SHLD1: variants seen among roughly 807,000 people sequenced by gnomAD.
The protein encoded by SHLD1 is RINN1-REV7-interacting novel NHEJ regulator 3.
In SHLD1, 3 loss-of-function variants were observed where a neutral mutation model predicts 5.5. The observed-to-expected ratio is 0.54, with a 90% CI of 0.25 to 1.40. The LOEUF (loss-of-function observed/expected upper bound fraction) is 1.40. SHLD1 is among the 40% of genes most tolerant of loss of function. The pLI is 0.15. For synonymous variants in SHLD1, 92 were observed against 94.3 expected (o/e 0.98, Z 0.14); for missense variants, 210 against 244.4 (o/e 0.86, Z 0.94).
chr20:5,777,730 G>A (rs1281178604), intron 2 of SHLD1, among the ~76,000 whole-genome samples: 1 of 151,680 alleles, frequency 6.6e-6, no homozygotes, highest in Non-Finnish European at 1.5e-5. Flanking sequence ...ACCACACCCA[G>A]CTAAAATCAC....
intron 2 of SHLD1, among the ~76,000 whole-genome samples, chr20:5,824,567 T>C (rs1284929140): frequency 6.6e-6 from 1 of 151,972 alleles, no homozygotes; most frequent in Non-Finnish European, 1.5e-5. Flanking sequence ...AAATGATGAA[T>C]AATTAATTAT....
At chr20:5,783,933 C>G (rs1219256955) in intron 2 of SHLD1, among the ~76,000 whole-genome samples, 1 of 152,138 alleles carries the variant, frequency 6.6e-6, no homozygotes, top group Non-Finnish European at 1.5e-5. Context: ...TGGTGGATCA[C>G]TTGAAGCCAG....
At chr20:5,785,280 C>T (rs1432120769) in intron 2 of SHLD1, among the ~76,000 whole-genome samples, 2 of 152,200 alleles carry the variant, frequency 1.3e-5, no homozygotes, top group Admixed American at 1.3e-4. Context: ...ATGCATTTCA[C>T]ACACGTTGTT....
At chr20:5,839,317 A>G (rs2087826980) in intron 2 of SHLD1, among the ~76,000 whole-genome samples, 1 of 152,212 alleles carries the variant, frequency 6.6e-6, no homozygotes. Flanking sequence ...AATATTCAAC[A>G]TTTCTATCCT....
intron 2 of SHLD1, among the ~76,000 whole-genome samples, chr20:5,784,686 G>A (rs1353654811): frequency 6.6e-6 from 1 of 152,078 alleles, no homozygotes; most frequent in Non-Finnish European, 1.5e-5. Context: ...GCCTGACCTT[G>A]TGATCCGCCC....
rs756234026 is a variant in SHLD1, at chr20:5,765,769, C to CTTTT, written c.-4-7069_-4-7066dup. ...ATAATGTATTTTATACGCACAAATCCTTTTTTTTTTTTTTTTTTTTTTTTT... is the reference window on the plus strand; with the variant it reads ...ATAATGTATTTTATACGCACAAATCCTTTTTTTTTTTTTTTTTTTTTTTTTTTTT... On this transcript the variant is annotated intron_variant, in intron 1 of 2. Coordinates refer to ENST00000303142, the MANE Select transcript of SHLD1 (RefSeq NM_152504.4). 3.7e-4 allele frequency among the ~76,000 whole-genome samples: 23 copies of CTTTT among 62,090 alleles called. 4 individuals carry two copies. The highest frequency in any genetic ancestry group is 7.2e-4 in the African/African-American group (11 of 15,352). The allele number at this position is 62,090 out of a possible 152,430, so 40.7% of individuals were successfully genotyped here.
At chr20:5,792,278 G>A (rs759894137) in intron 2 of SHLD1, among the ~76,000 whole-genome samples, 8 of 152,130 alleles carry the variant, frequency 5.3e-5, no homozygotes, top group Non-Finnish European at 1.2e-4. Flanking sequence ...CTAATGTCAT[G>A]AAGCTTTTCC....
chr20:5,802,463 C>T (rs188166692), intron 2 of SHLD1, among the ~76,000 whole-genome samples: 4 of 152,204 alleles, frequency 2.6e-5, no homozygotes, highest in South Asian at 2.1e-4. Flanking sequence ...AATACTAGTA[C>T]GTACATCATA....
intron 2 of SHLD1, among the ~76,000 whole-genome samples, chr20:5,816,089 G>GAAA (rs141881349): frequency 4.7e-4 from 41 of 86,320 alleles, no homozygotes; most frequent in Admixed American, 7.2e-4. Context: ...TCAAAAAAAC[G>GAAA]AAAAAAAAAA....
chr20:5,827,128 G>A (rs1284789584), intron 2 of SHLD1, among the ~76,000 whole-genome samples: 1 of 10,382 alleles, frequency 9.6e-5, no homozygotes, highest in African/African-American at 1.5e-3. Context: ...AAAGGCATGA[G>A]TGGGCGTGGC....
At chr20:5,788,028 T>G (rs2087084505) in intron 2 of SHLD1, among the ~76,000 whole-genome samples, 1 of 152,192 alleles carries the variant, frequency 6.6e-6, no homozygotes, top group Non-Finnish European at 1.5e-5. Context: ...TATTCCTACA[T>G]TTCCCCATCA....
At chr20:5,758,416 T>A (rs962280547) in intron 1 of SHLD1, among the ~76,000 whole-genome samples, 16 of 124,210 alleles carry the variant, frequency 1.3e-4, no homozygotes, top group Admixed American at 4.0e-4. Flanking sequence ...AAGTATTATT[T>A]TTTTTTATAT....
intron 1 of SHLD1, among the ~76,000 whole-genome samples, chr20:5,759,730 G>A (rs1984350483): frequency 6.6e-6 from 1 of 151,834 alleles, no homozygotes; most frequent in African/African-American, 2.4e-5. Context: ...TTGTAGAGAT[G>A]GGGTTTCACC....
intron 2 of SHLD1, among the ~76,000 whole-genome samples, chr20:5,809,703 G>A (rs2087432223): frequency 6.6e-6 from 1 of 152,036 alleles, no homozygotes; most frequent in South Asian, 2.1e-4. Context: ...CCACCACCAG[G>A]GGACATTTGG....
intron 2 of SHLD1, among the ~76,000 whole-genome samples, chr20:5,844,788 TATATATA>T (rs1474834834): frequency 6.3e-4 from 67 of 106,714 alleles, no homozygotes; most frequent in African/African-American, 3.1e-3. Flanking sequence ...TATATATATA[TATATATA>T]TATATTTTTT....
At chr20:5,856,558 A>AT (rs1568533813) in intron 2 of SHLD1, among the ~76,000 whole-genome samples, 1 of 152,232 alleles carries the variant, frequency 6.6e-6, no homozygotes, top group African/African-American at 2.4e-5. Flanking sequence ...GGCCCCTCAT[A>AT]TACTAAAAAT....
chr20:5,792,679 T>TGA (rs568541523), intron 2 of SHLD1, among the ~76,000 whole-genome samples: 3 of 143,018 alleles, frequency 2.1e-5, no homozygotes, highest in African/African-American at 7.8e-5. Flanking sequence ...TTCTTTTTTT[T>TGA]AAAAAAAAAA....
intron 1 of SHLD1, among the ~76,000 whole-genome samples, chr20:5,750,963 C>G (rs973213689): frequency 6.6e-6 from 1 of 152,120 alleles, no homozygotes; most frequent in Non-Finnish European, 1.5e-5. Flanking sequence ...CGCCACTGCA[C>G]TCCAGCCTGG....
In SHLD1 at chr20:5,754,778, G is replaced by A. The variant is rs569890398; in HGVS notation, c.-5+4299G>A. On this transcript the variant is annotated intron_variant, in intron 1 of 2. Transcript: ENST00000303142. ...CATAAAGAAATGCTTGAGTTGGGCC[G>A]GGCGTGGTGGCTCACGCCTGTAATG... 2.9e-3 allele frequency among the ~76,000 whole-genome samples: 438 copies of A among 152,280 alleles called. 2 individuals carry two copies. Among genetic ancestry groups the A allele is most frequent in the African/African-American group, 0.01 (420 of 41,574 alleles).
Sources: allele counts gnomAD v4.1 joint callset (sites outside exome capture counted in the v4.1 genomes callset), GRCh38; gene constraint gnomAD v4.1.1; transcripts MANE v1.5; gene names NCBI Gene and HGNC (gene_info 2026-07-23, HGNC 2026-07-21).